The following COL4A5 variants were observed in gnomAD, a reference collection of about 807,000 sequenced individuals.
COL4A5 encodes collagen type IV alpha 5 chain.
COL4A5 carries 26 observed loss-of-function variants against 130.2 expected under a neutral mutation model. The ratio of observed to expected loss-of-function variants is 0.20; its 90% CI spans 0.15 to 0.28. The LOEUF is 0.28. Among genes scored for constraint, COL4A5 ranks in the 10% least tolerant of loss-of-function variants. The pLI is 1.00. For missense variants in COL4A5, 1,131 were observed against 1,344.3 expected (o/e 0.84, Z 2.48); for synonymous variants, 496 against 439.6 (o/e 1.13, Z -1.60).
chrX:108,493,417 G>A (rs1227558866), intron 1 of COL4A5, among the ~76,000 whole-genome samples: 1 of 111,832 alleles, frequency 8.9e-6, no homozygotes, highest in African/African-American at 3.2e-5. Flanking sequence ...AACTCAGGTA[G>A]TTGTCATTTA....
intron 1 of COL4A5, among the ~76,000 whole-genome samples, chrX:108,476,477 C>G (rs1374742485): frequency 9.6e-6 from 1 of 103,957 alleles, no homozygotes; most frequent in Non-Finnish European, 2.0e-5. Flanking sequence ...TGACTATAGT[C>G]ATCCTGTTGT....
intron 1 of COL4A5, among the ~76,000 whole-genome samples, chrX:108,461,178 A>G: frequency 8.9e-6 from 1 of 111,958 alleles, no homozygotes; most frequent in Non-Finnish European, 1.9e-5. Context: ...TTTTCTGACT[A>G]ATTTTACTGC....
chrX:108,628,046 A>G (rs2067185231), intron 36 of COL4A5, among the ~76,000 whole-genome samples: 2 of 110,864 alleles, frequency 1.8e-5, no homozygotes, highest in Admixed American at 1.9e-4. Flanking sequence ...TCTGCTCTGT[A>G]CCTAGCTGTC....
rs376003159 is a variant in COL4A5 at position 108,601,448 on chromosome X, T to A, written c.2004T>A (p.Pro668=). The part of the protein sequence containing the change: ...TITQPGKPGL[P]GNPGRDGDVG... ...CCCAGCCGGGGAAGCCTGGCTTGCC[T>A]GGTAACCCAGGCAGAGATGGTGATG... Residue 668 remains proline (P), a synonymous_variant, in exon 26 of 53, where the codon CCT becomes CCA. Transcript: ENST00000328300. 1 of 1,207,328 alleles carries A rather than the reference T, an allele frequency of 8.3e-7. No individual in the cohort carries two copies. Among genetic ancestry groups the A allele is most frequent in the Non-Finnish European group, 1.1e-6 (1 of 893,610 alleles).
intron 1 of COL4A5, chrX:108,462,919 AT>A (rs1391853021): frequency 1.8e-5 from 2 of 112,162 alleles, no homozygotes; most frequent in Non-Finnish European, 3.8e-5. Context: ...TGTAACACAT[AT>A]TCTTCTTGTC....
intron 47 of COL4A5, among the ~76,000 whole-genome samples, chrX:108,682,302 C>T (rs192639230): frequency 3.6e-5 from 4 of 112,110 alleles, no homozygotes; most frequent in African/African-American, 1.3e-4. Flanking sequence ...CATTAATAGG[C>T]ATTTGGATTG....
intron 36 of COL4A5, chrX:108,627,627 G>C (rs904988061): frequency 1.5e-6 from 1 of 659,908 alleles, no homozygotes; most frequent in African/African-American, 2.4e-5. Context: ...TTAATTTTTT[G>C]GCTTTTTAAA....
intron 1 of COL4A5, among the ~76,000 whole-genome samples, chrX:108,473,597 A>T (rs1415676012): frequency 1.1e-4 from 6 of 56,609 alleles, no homozygotes; most frequent in East Asian, 3.8e-4. Flanking sequence ...ATAAAGTTTT[A>T]TATATATATA....
chrX:108,622,820 T>C lies in COL4A5; in HGVS notation c.2912T>C (p.Leu971Ser). ...AAAGGAGAGAAGGGGGAACCTGGCT[T>C]ACCAGGTGAGTGAATGAATTTATTT... ...GSKGEKGEPG[L>S]PGIPGVSGPK... The change falls in exon 33 of 53, where the codon TTA (leucine) becomes TCA (serine). Residue 971 changes from leucine to serine, a missense_variant. Leu to Ser is a moderately radical substitution (Grantham distance 145). Coordinates refer to ENST00000328300, the MANE Select transcript of COL4A5 (RefSeq NM_033380.3). 8.3e-7 allele frequency: 1 copy of C among 1,205,658 alleles called. No homozygotes were observed. Among genetic ancestry groups the C allele is most frequent in the Non-Finnish European group, 1.1e-6 (1 of 892,396 alleles).
intron 1 of COL4A5, among the ~76,000 whole-genome samples, chrX:108,457,688 CT>C (rs1172437474): frequency 9.8e-5 from 11 of 111,800 alleles, no homozygotes; most frequent in Non-Finnish European, 1.9e-4. Flanking sequence ...ACTCAGAATA[CT>C]TCCATAACCT....
At chrX:108,694,525 A>G (rs1453171556) in intron 50 of COL4A5, 4 of 347,341 alleles carry the variant, frequency 1.2e-5, no homozygotes, top group Non-Finnish European at 2.0e-5. Context: ...CAATTGAGGC[A>G]TTGACTATAG....
intron 49 of COL4A5, chrX:108,689,890 T>A (rs1013351158): frequency 1.7e-5 from 13 of 752,861 alleles, no homozygotes; most frequent in Non-Finnish European, 2.0e-5. Flanking sequence ...ATGGGATCAC[T>A]CTCTCTTCGA....
At chrX:108,627,645 T>A in intron 36 of COL4A5, 1 of 567,028 alleles carries the variant, frequency 1.8e-6, no homozygotes, top group South Asian at 9.2e-5. Context: ...AAAACACTTA[T>A]AATAATGTAA....
At chrX:108,678,788 C>T (rs1394797706) in intron 44 of COL4A5, among the ~76,000 whole-genome samples, 1 of 111,220 alleles carries the variant, frequency 9.0e-6, no homozygotes, top group Non-Finnish European at 1.9e-5. Context: ...CTTTCATATT[C>T]CAGTTGGGTC....
In COL4A5 at chrX:108,677,650, G is replaced by A. The variant is rs2068333650; in HGVS notation, c.3942+17G>A. The A allele has an allele frequency of 8.3e-7, 1 of 1,204,740 alleles. No homozygotes were observed. The highest frequency in any genetic ancestry group is 2.2e-5 in the Admixed American group (1 of 45,581). On this transcript the variant is annotated intron_variant, in intron 44 of 52. Transcript: ENST00000328300. ...GGACTCCAGGTAGGAAATGGAAGTAGATATCTGATGAGAGAAGAATGTGGG... is the reference window on the plus strand; with the variant it reads ...GGACTCCAGGTAGGAAATGGAAGTAAATATCTGATGAGAGAAGAATGTGGG...
At chrX:108,613,965 G>A (rs373546501) in intron 29 of COL4A5, among the ~76,000 whole-genome samples, 1 of 111,553 alleles carries the variant, frequency 9.0e-6, no homozygotes, top group Non-Finnish European at 1.9e-5. Flanking sequence ...ATAGAAACCC[G>A]TAGAACAGTG....
chrX:108,665,027 A>G (rs756420313), intron 37 of COL4A5, among the ~76,000 whole-genome samples: 1 of 112,289 alleles, frequency 8.9e-6, no homozygotes, highest in Non-Finnish European at 1.9e-5. Flanking sequence ...TGACCCAGCA[A>G]TTCCACTTCT....
chrX:108,665,027 A>T (rs756420313), intron 37 of COL4A5, among the ~76,000 whole-genome samples: 3 of 112,289 alleles, frequency 2.7e-5, no homozygotes, highest in Non-Finnish European at 5.6e-5. Flanking sequence ...TGACCCAGCA[A>T]TTCCACTTCT....
At chrX:108,546,945 G>T (rs1390685626) in intron 2 of COL4A5, among the ~76,000 whole-genome samples, 1 of 112,265 alleles carries the variant, frequency 8.9e-6, no homozygotes, top group Non-Finnish European at 1.9e-5. Context: ...CTCGTGCCAT[G>T]GTTTTCAGCC....
Sources: allele counts gnomAD v4.1 joint callset (sites outside exome capture counted in the v4.1 genomes callset), GRCh38; gene constraint gnomAD v4.1.1; transcripts MANE v1.5; gene names NCBI Gene and HGNC (gene_info 2026-07-23, HGNC 2026-07-21).